Variants in FOXP1 observed in about 807,000 individuals in gnomAD.
FOXP1 encodes the protein forkhead box P1, also known as forkhead box protein P1.
In FOXP1, 15 loss-of-function variants were observed where a neutral mutation model predicts 98.2. The ratio of observed to expected loss-of-function variants is 0.15; its 90% CI spans 0.10 to 0.24. The LOEUF is 0.24. Ranked by LOEUF, FOXP1 falls within the 10% of genes least tolerant of loss-of-function variation. The pLI, the probability that FOXP1 is intolerant of heterozygous loss-of-function variation, is 1.00. For synonymous variants in FOXP1, 371 were observed against 314.5 expected, an observed-to-expected ratio of 1.18 and a Z score of -1.90; for missense variants, 633 against 848.5, an observed-to-expected ratio of 0.75 and a Z score of 3.15.
intron 7 of FOXP1, among the ~76,000 whole-genome samples, chr3:71,077,222 T>A (rs546993212): frequency 6.6e-6 from 1 of 152,196 alleles, no homozygotes; most frequent in Admixed American, 6.5e-5. Flanking sequence ...AACGGCATAG[T>A]CAAGGCTACC....
chr3:71,099,607 T>C (rs751187786), intron 7 of FOXP1, among the ~76,000 whole-genome samples: 5 of 152,162 alleles, frequency 3.3e-5, no homozygotes, highest in Non-Finnish European at 7.3e-5. Flanking sequence ...TCTTCACAAC[T>C]GCCTTAGGTA....
intron 2 of FOXP1, chr3:71,573,681 G>A (rs754329887): frequency 3.3e-5 from 5 of 152,106 alleles, no homozygotes; most frequent in African/African-American, 9.7e-5. Flanking sequence ...GGGACTGAAC[G>A]ATTTTCTATT....
chr3:71,515,553 G>C (rs2042521560), intron 2 of FOXP1, among the ~76,000 whole-genome samples: 1 of 151,690 alleles, frequency 6.6e-6, no homozygotes, highest in Non-Finnish European at 1.5e-5. Context: ...AATGATCGGA[G>C]ACAGGGGTCA....
intron 2 of FOXP1, among the ~76,000 whole-genome samples, chr3:71,543,921 T>G (rs961216883): frequency 3.3e-5 from 5 of 151,680 alleles, no homozygotes; most frequent in Admixed American, 6.6e-5. Flanking sequence ...TTGAATATAT[T>G]TGTAAAGATA....
chr3:71,478,952 A>T (rs74884950), intron 3 of FOXP1, among the ~76,000 whole-genome samples: 2 of 152,322 alleles, frequency 1.3e-5, no homozygotes, highest in East Asian at 3.9e-4. Flanking sequence ...ACTTGGAGAA[A>T]GCTGAAAGAA....
chr3:71,486,377 G>A (rs1435990553), intron 3 of FOXP1, among the ~76,000 whole-genome samples: 5 of 152,146 alleles, frequency 3.3e-5, no homozygotes, highest in African/African-American at 1.2e-4. Context: ...TTTATCTCAT[G>A]AGCCTATTCC....
intron 2 of FOXP1, among the ~76,000 whole-genome samples, chr3:71,561,407 CAAAAA>C (rs56792827): frequency 2.5e-5 from 1 of 40,310 alleles, no homozygotes; most frequent in African/African-American, 6.1e-5. Flanking sequence ...TAAAGCTGGC[CAAAAA>C]AAAAAAAAAA....
At position 71,580,944 on chromosome 3, in the gene FOXP1, G is replaced by A. The variant is rs1201928688; in HGVS notation, c.-298+605C>T. The stretch of plus-strand genomic sequence containing the variant: ...AAATGCTAACTTGGAAAATACCTGT[G>A]AGCAGACATGAGCGCAATTCCAGCC... On this transcript the variant is annotated intron_variant, in intron 2 of 20. Coordinates refer to ENST00000649528, the MANE Select transcript of FOXP1 (RefSeq NM_001349338.3). 1.3e-5 allele frequency: 13 copies of A among 985,408 alleles called. No homozygotes were observed. The South Asian group carries it at 5.2e-4, about 39-fold the overall frequency. 61.0% of individuals were successfully genotyped at this position (985,408 alleles called of 1,614,324 possible). A position where few individuals can be genotyped will look rare whatever the true frequency, so the allele number is the denominator to read the frequency against.
intron 11 of FOXP1, among the ~76,000 whole-genome samples, chr3:71,022,130 G>T (rs2045529590): frequency 6.6e-6 from 1 of 152,044 alleles, no homozygotes; most frequent in Non-Finnish European, 1.5e-5. Flanking sequence ...GTTAATTTTT[G>T]CATATGATAT....
chr3:71,257,511 G>A (rs1269929149), intron 5 of FOXP1, among the ~76,000 whole-genome samples: 3 of 151,606 alleles, frequency 2.0e-5, no homozygotes, highest in African/African-American at 7.3e-5. Flanking sequence ...CTTGAACCCA[G>A]GAGGCGGAGG....
rs150138552 is a variant in FOXP1 at position 71,236,634 on chromosome 3, A to G, written c.-11-38242T>C. On this transcript the variant is annotated intron_variant, in intron 5 of 20. Coordinates refer to ENST00000649528, the MANE Select transcript of FOXP1 (RefSeq NM_001349338.3). ...CCTGTAATCCCAACACTTTGGGAGG[A>G]CAAGGCAGGAGGACGGCTTGAGCCC... is the stretch of plus-strand genomic sequence containing the variant. 3.3e-3 allele frequency among the ~76,000 whole-genome samples: 500 copies of G among 152,266 alleles called. 5 individuals carry two copies. Among genetic ancestry groups the G allele is most frequent in the African/African-American group, 0.011 (460 of 41,574 alleles).
chr3:71,133,894 G>A (rs529939999), intron 6 of FOXP1, among the ~76,000 whole-genome samples: 17 of 152,116 alleles, frequency 1.1e-4, no homozygotes, highest in African/African-American at 4.1e-4. Context: ...CTCACAAACA[G>A]ATTATGACTC....
At chr3:71,163,421 T>C (rs1175623086) in intron 6 of FOXP1, among the ~76,000 whole-genome samples, 1 of 152,162 alleles carries the variant, frequency 6.6e-6, no homozygotes, top group East Asian at 1.9e-4. Context: ...AGACAATTGC[T>C]TTTTTGGCTG....
At chr3:71,237,569 T>G (rs1448177132) in intron 5 of FOXP1, among the ~76,000 whole-genome samples, 1 of 152,124 alleles carries the variant, frequency 6.6e-6, no homozygotes. Flanking sequence ...TGTCATCACT[T>G]CCCATGCTTG....
intron 7 of FOXP1, among the ~76,000 whole-genome samples, chr3:71,078,503 G>C (rs1559883355): frequency 6.6e-6 from 1 of 152,132 alleles, no homozygotes; most frequent in Non-Finnish European, 1.5e-5. Context: ...GAGTAAACTT[G>C]AATGACTTAC....
chr3:71,130,882 G>A (rs1041469988), intron 6 of FOXP1: 20 of 1,387,912 alleles, frequency 1.4e-5, no homozygotes, highest in South Asian at 5.1e-5. Flanking sequence ...TATCTAAACC[G>A]CTCCAGGTCT....
intron 3 of FOXP1, among the ~76,000 whole-genome samples, chr3:71,411,931 T>C (rs1277301801): frequency 6.6e-6 from 1 of 152,228 alleles, no homozygotes; most frequent in Non-Finnish European, 1.5e-5. Flanking sequence ...TCAAATGAGA[T>C]AACTTACATT....
chr3:71,248,853 G>A (rs959119859), intron 5 of FOXP1, among the ~76,000 whole-genome samples: 2 of 152,176 alleles, frequency 1.3e-5, no homozygotes, highest in African/African-American at 2.4e-5. Context: ...TGAGATTAGG[G>A]GAATGGCCAG....
At chr3:71,396,180 C>T (rs1272316138) in intron 3 of FOXP1, among the ~76,000 whole-genome samples, 1 of 152,124 alleles carries the variant, frequency 6.6e-6, no homozygotes, top group Non-Finnish European at 1.5e-5. Context: ...TACACAGAAC[C>T]TTGAGTGCTG....
Sources: allele counts gnomAD v4.1 joint callset (sites outside exome capture counted in the v4.1 genomes callset), GRCh38; gene constraint gnomAD v4.1.1; transcripts MANE v1.5; gene names NCBI Gene and HGNC (gene_info 2026-07-23, HGNC 2026-07-21).